Variants in MSL2 observed in about 807,000 individuals in gnomAD.
MSL2 encodes E3 ubiquitin-protein ligase MSL2.
Under a neutral mutation model 35.8 loss-of-function variants are expected in MSL2, and 2 were observed. That is an observed-to-expected ratio of 0.06 (90% CI 0.02 to 0.18). The LOEUF (loss-of-function observed/expected upper bound fraction) is 0.18. Ranked by LOEUF, MSL2 falls within the 10% of genes least tolerant of loss-of-function variation. The pLI is 1.00. For synonymous variants in MSL2, 296 were observed against 255.7 expected, an observed-to-expected ratio of 1.16 and a Z score of -1.50; for missense variants, 523 against 706.7, an observed-to-expected ratio of 0.74 and a Z score of 2.95.
intron 1 of MSL2, among the ~76,000 whole-genome samples, chr3:136,160,857 G>A (rs1939689795): frequency 6.6e-6 from 1 of 152,132 alleles, no homozygotes; most frequent in Admixed American, 6.5e-5. Context: ...AGGAGGACAA[G>A]ATGGGCAGAT....
At chr3:136,181,088 G>C (rs1044087553) in intron 1 of MSL2, among the ~76,000 whole-genome samples, 6 of 151,914 alleles carry the variant, frequency 3.9e-5, no homozygotes, top group Non-Finnish European at 8.8e-5. Context: ...AGGAGGTGGA[G>C]GTTGCAGTGA....
intron 1 of MSL2, among the ~76,000 whole-genome samples, chr3:136,159,776 T>C (rs1012846108): frequency 1.3e-5 from 2 of 151,938 alleles, no homozygotes; most frequent in African/African-American, 4.8e-5. Context: ...AAAATTAAAA[T>C]GATCACAAAC....
chr3:136,192,616 G>A (rs1382986982), intron 1 of MSL2, among the ~76,000 whole-genome samples: 25 of 152,044 alleles, frequency 1.6e-4, no homozygotes. Context: ...AAAAAAGCAT[G>A]TTTGAAAGGA....
intron 1 of MSL2, among the ~76,000 whole-genome samples, chr3:136,178,244 T>C (rs908240121): frequency 6.6e-6 from 1 of 152,204 alleles, no homozygotes; most frequent in Non-Finnish European, 1.5e-5. Context: ...TAATATTCCA[T>C]TATTTTCCTA....
At chr3:136,156,803 CAAG>C in intron 1 of MSL2, among the ~76,000 whole-genome samples, 1 of 152,126 alleles carries the variant, frequency 6.6e-6, no homozygotes, top group African/African-American at 2.4e-5. Context: ...TGCAGTGAGC[CAAG>C]ATGGCGCCAC....
chr3:136,185,660 C>G lies in MSL2; in HGVS notation c.142+9312G>C, dbSNP rs551804970. 9.5e-4 allele frequency among the ~76,000 whole-genome samples: 144 copies of G among 152,038 alleles called. 2 individuals are homozygous for G. In the South Asian group the frequency reaches 0.029, roughly 31 times the overall value. Reference sequence around the variant, plus strand: ...CAAGCAATTCTCCTGTGCGCACCACCACGCCCGGCTAATTTTTGTATTTTT... The same window carrying G: ...CAAGCAATTCTCCTGTGCGCACCACGACGCCCGGCTAATTTTTGTATTTTT... On this transcript the variant is annotated intron_variant, in intron 1 of 1. Transcript: ENST00000309993.
chr3:136,158,660 G>T (rs190633675), intron 1 of MSL2, among the ~76,000 whole-genome samples: 1 of 152,090 alleles, frequency 6.6e-6, no homozygotes, highest in African/African-American at 2.4e-5. Flanking sequence ...AGACTAAAAA[G>T]AAACAAGTAA....
intron 1 of MSL2, among the ~76,000 whole-genome samples, chr3:136,173,258 G>A (rs561640812): frequency 6.6e-6 from 1 of 152,260 alleles, no homozygotes; most frequent in East Asian, 1.9e-4. Context: ...ATAAACTGGT[G>A]ACTTCTGAAT....
intron 1 of MSL2, chr3:136,155,548 G>A: frequency 4.6e-6 from 1 of 217,272 alleles, no homozygotes; most frequent in South Asian, 7.5e-5. Flanking sequence ...AGAAAGGGGT[G>A]TCCATCTCAG....
At chr3:136,175,301 G>A (rs141639527) in intron 1 of MSL2, among the ~76,000 whole-genome samples, 221 of 150,000 alleles carry the variant, frequency 1.5e-3, no homozygotes, top group African/African-American at 5.0e-3. Flanking sequence ...CCGAGATCGC[G>A]CCACTGCACT....
chr3:136,152,274 C>G lies in MSL2; in HGVS notation c.607G>C (p.Asp203His). 1 of 1,614,036 alleles carries G rather than the reference C, an allele frequency of 6.2e-7. No homozygotes were observed. Among genetic ancestry groups the G allele is most frequent in the Non-Finnish European group, 8.5e-7 (1 of 1,179,916 alleles). Reference sequence around the variant, plus strand: ...GAAGGAATATTTATACCAAATCTATCTATTGAAAGCCCATTATAAGTAGGC... The same window carrying G: ...GAAGGAATATTTATACCAAATCTATGTATTGAAAGCCCATTATAAGTAGGC... ...GLPTYNGLSI[D>H]RFGINIPSPE... Residue 203 changes from aspartate to histidine, a missense_variant, in exon 2 of 2, where the codon GAT (aspartate) becomes CAT (histidine). Transcript: ENST00000309993.
chr3:136,177,413 G>T (rs905189280), intron 1 of MSL2, among the ~76,000 whole-genome samples: 2 of 152,172 alleles, frequency 1.3e-5, no homozygotes, highest in African/African-American at 4.8e-5. Context: ...GGTGGTTCAT[G>T]CCTGTAATCC....
Position 136,195,510 on chromosome 3 carries a change from G to GGCAGGCGCGGGA in MSL2, c.-409_-398dup. ...CGGAGGCGCCTCCTCAAGTCGAGCT[G>GGCAGGCGCGGGA]GCAGGCGCGGGAGCAGGCCCCGGCC... On this transcript the variant is annotated 5_prime_UTR_variant, in exon 1 of 2. Transcript: ENST00000309993. The GGCAGGCGCGGGA allele has an allele frequency of 9.9e-7, 1 of 1,012,050 alleles. No homozygotes were observed. The highest frequency in any genetic ancestry group is 1.2e-6 in the Non-Finnish European group (1 of 847,264). The allele number at this position is 1,012,050 out of a possible 1,614,324, so 62.7% of individuals were successfully genotyped here.
chr3:136,192,676 TA>T (rs1940724427), intron 1 of MSL2, among the ~76,000 whole-genome samples: 2 of 151,834 alleles, frequency 1.3e-5, no homozygotes, highest in African/African-American at 4.8e-5. Context: ...CACAGTTGAA[TA>T]AAAGGATGAA....
At chr3:136,162,545 G>A (rs907783002) in intron 1 of MSL2, among the ~76,000 whole-genome samples, 6 of 151,904 alleles carry the variant, frequency 3.9e-5, no homozygotes, top group Non-Finnish European at 8.8e-5. Context: ...GCGCCACTGC[G>A]GTCCAGCCTG....
intron 1 of MSL2, among the ~76,000 whole-genome samples, chr3:136,166,117 G>C (rs760519603): frequency 7.0e-6 from 1 of 142,438 alleles, no homozygotes; most frequent in South Asian, 2.4e-4. Flanking sequence ...GGCCAGGCAC[G>C]ATGGCTCACA....
intron 1 of MSL2, among the ~76,000 whole-genome samples, chr3:136,172,880 G>A (rs141292284): frequency 2.8e-4 from 43 of 152,104 alleles, no homozygotes; most frequent in Non-Finnish European, 5.7e-4. Flanking sequence ...ACTGACCTAC[G>A]GGGCCGGGCA....
chr3:136,161,424 C>G (rs928122623), intron 1 of MSL2, among the ~76,000 whole-genome samples: 3 of 152,170 alleles, frequency 2.0e-5, no homozygotes, highest in Non-Finnish European at 4.4e-5. Flanking sequence ...TGAATGTGCA[C>G]AGCAGCATGA....
At position 136,152,002 on chromosome 3, in the gene MSL2, G is replaced by C. The variant is rs779397471; in HGVS notation, c.879C>G (p.Asn293Lys). The C allele has an allele frequency of 6.2e-7, 1 of 1,614,240 alleles. No individual in the cohort carries two copies. The highest frequency in any genetic ancestry group is 8.5e-7 in the Non-Finnish European group (1 of 1,180,044). ...GTCCATTGGATACAGTGGCTTCCAA[G>C]TTCGGCTGCAAATTAGGGCAACAGA... ...TEVCCPNLQPNLEATVSNGPF... is the reference protein window; with the variant it reads ...TEVCCPNLQPKLEATVSNGPF... The change falls in exon 2 of 2, where the codon AAC (asparagine) becomes AAG (lysine). Residue 293 changes from asparagine to lysine, a missense_variant. Around this residue, in one of 5 missense-constraint regions of MSL2, gnomAD observed 361 missense variants for 414.6 expected, o/e 0.87. Coordinates refer to ENST00000309993, the MANE Select transcript of MSL2 (RefSeq NM_018133.4).
Sources: allele counts gnomAD v4.1 joint callset (sites outside exome capture counted in the v4.1 genomes callset), GRCh38; gene constraint gnomAD v4.1.1; regional missense constraint gnomAD v4.1.1; transcripts MANE v1.5; gene names NCBI Gene and HGNC (gene_info 2026-07-23, HGNC 2026-07-21).